Variants in NEDD4L observed in about 807,000 individuals in gnomAD.
The protein encoded by NEDD4L is E3 ubiquitin-protein ligase NEDD4-like.
Under a neutral mutation model 148.9 loss-of-function variants are expected in NEDD4L, and 54 were observed. The ratio of observed to expected loss-of-function variants is 0.36; its 90% CI spans 0.29 to 0.45. The LOEUF is 0.45. Among genes scored for constraint, NEDD4L ranks in the 20% least tolerant of loss-of-function variants. NEDD4L has a pLI of 1.00. For missense variants in NEDD4L, 856 were observed against 1,233.8 expected, an observed-to-expected ratio of 0.69 and a Z score of 4.59; for synonymous variants, 433 against 440.7, an observed-to-expected ratio of 0.98 and a Z score of 0.22.
At chr18:58,253,660 CTTGT>C (rs1030282342) in intron 5 of NEDD4L, among the ~76,000 whole-genome samples, 8 of 152,102 alleles carry the variant, frequency 5.3e-5, no homozygotes, top group African/African-American at 1.9e-4. Flanking sequence ...TATAATATCT[CTTGT>C]TTAACATGAG....
chr18:58,165,738 T>G, intron 1 of NEDD4L, 50 bp from the exon 2 acceptor site: 2 of 1,514,310 alleles, frequency 1.3e-6, no homozygotes, highest in Non-Finnish European at 1.8e-6. Context: ...GAGAGAGTGA[T>G]TGATTGAAGA....
intron 2 of NEDD4L, among the ~76,000 whole-genome samples, chr18:58,225,200 A>G (rs921731665): frequency 9.9e-5 from 15 of 152,250 alleles, no homozygotes; most frequent in Non-Finnish European, 2.2e-4. Flanking sequence ...GTGGAACTGC[A>G]GGTCCCTGGA....
At chr18:58,297,257 T>C (rs1195934282) in intron 5 of NEDD4L, among the ~76,000 whole-genome samples, 4 of 152,144 alleles carry the variant, frequency 2.6e-5, no homozygotes, top group Non-Finnish European at 4.4e-5. Context: ...TGTGGGCCAG[T>C]ATTCAGCCTA....
intron 1 of NEDD4L, among the ~76,000 whole-genome samples, chr18:58,092,418 T>G (rs1042118589): frequency 6.6e-6 from 1 of 152,110 alleles, no homozygotes; most frequent in African/African-American, 2.4e-5. Flanking sequence ...TGGAAGCGGT[T>G]CTCGGGCACA....
intron 2 of NEDD4L, among the ~76,000 whole-genome samples, chr18:58,180,188 G>A (rs768250038): frequency 7.9e-5 from 12 of 152,110 alleles, no homozygotes; most frequent in Non-Finnish European, 1.6e-4. Flanking sequence ...ATCCCTCTCC[G>A]AGCCGCGGTG....
At chr18:58,090,955 A>G (rs2145290476) in intron 1 of NEDD4L, 1 of 152,362 alleles carries the variant, frequency 6.6e-6, no homozygotes, top group South Asian at 2.1e-4. Flanking sequence ...CTGTCCAGGA[A>G]GTACCTTATA....
chr18:58,244,907 G>A (rs536930235), intron 2 of NEDD4L, among the ~76,000 whole-genome samples: 20 of 152,230 alleles, frequency 1.3e-4, no homozygotes, highest in Middle Eastern at 3.4e-3. Flanking sequence ...GGTTGGCCAG[G>A]CTGGTCTTGA....
At chr18:58,228,250 A>G (rs1214278674) in intron 2 of NEDD4L, among the ~76,000 whole-genome samples, 1 of 132,402 alleles carries the variant, frequency 7.6e-6, no homozygotes, top group African/African-American at 3.1e-5. Flanking sequence ...TGGACACATA[A>G]GTAAACAACT....
chr18:58,343,207 T>A, intron 16 of NEDD4L, 104 bp downstream of exon 16: 1 of 1,129,992 alleles, frequency 8.8e-7, no homozygotes, highest in Non-Finnish European at 1.2e-6. Flanking sequence ...TTGGATTGAC[T>A]GTAAAGGGTG....
At chr18:58,239,659 G>T (rs1348163622) in intron 2 of NEDD4L, among the ~76,000 whole-genome samples, 2 of 152,222 alleles carry the variant, frequency 1.3e-5, no homozygotes, top group Admixed American at 6.5e-5. Flanking sequence ...TGGTCAGGAC[G>T]ACTGTCCCTG....
chr18:58,298,598 T>C (rs1337683970), intron 5 of NEDD4L, among the ~76,000 whole-genome samples: 1 of 152,226 alleles, frequency 6.6e-6, no homozygotes, highest in Non-Finnish European at 1.5e-5. Context: ...GTCTTTTCCT[T>C]CTCTCTCCCC....
In NEDD4L at chr18:58,044,646, CG is replaced by C; in HGVS notation, c.-11del. ...CGCTGGGAGCGCCTCAGACCCCGCG[CG>C]GGGCGCCGGCTCCATGGCGACCGGG... On this transcript the variant is annotated 5_prime_UTR_variant, in exon 1 of 31. Coordinates refer to ENST00000400345, the MANE Select transcript of NEDD4L (RefSeq NM_001144967.3). 1.3e-6 allele frequency: 2 copies of C among 1,596,582 alleles called. No individual in the cohort carries two copies. Among genetic ancestry groups the C allele is most frequent in the Non-Finnish European group, 1.7e-6 (2 of 1,172,098 alleles).
At chr18:58,291,535 G>C (rs895300968) in intron 5 of NEDD4L, among the ~76,000 whole-genome samples, 1 of 152,236 alleles carries the variant, frequency 6.6e-6, no homozygotes, top group Non-Finnish European at 1.5e-5. Flanking sequence ...GCTGTTTTCT[G>C]ACCCCTGAGA....
At chr18:58,264,600 G>A (rs2049951162) in intron 5 of NEDD4L, among the ~76,000 whole-genome samples, 1 of 152,034 alleles carries the variant, frequency 6.6e-6, no homozygotes, top group South Asian at 2.1e-4. Flanking sequence ...AGTGTGTAAT[G>A]ATCAAATCAT....
chr18:58,357,350 C>A, intron 19 of NEDD4L, 98 bp downstream of exon 19: 1 of 1,069,704 alleles, frequency 9.3e-7, no homozygotes, highest in Non-Finnish European at 1.5e-6. Context: ...CAAGGGACAA[C>A]GGTGATTGAG....
chr18:58,341,599 G>A (rs935186826), intron 14 of NEDD4L, 79 bp from the exon 15 acceptor site: 8 of 1,426,722 alleles, frequency 5.6e-6, no homozygotes, highest in South Asian at 3.8e-5. Flanking sequence ...TGTTTGCGTT[G>A]TTGTTTGGGT....
intron 13 of NEDD4L, chr18:58,336,166 A>G (rs2041726011): frequency 6.6e-6 from 1 of 152,184 alleles, no homozygotes; most frequent in South Asian, 2.1e-4. Context: ...TATTTTAAAG[A>G]ATGTATGGTA....
chr18:58,392,591 T>C (rs1293570556), intron 30 of NEDD4L, among the ~76,000 whole-genome samples: 1 of 152,162 alleles, frequency 6.6e-6, no homozygotes. Context: ...AACAATGTGG[T>C]CATTGCCTGT....
At chr18:58,317,815 C>T (rs530930717) in intron 6 of NEDD4L, among the ~76,000 whole-genome samples, 1 of 152,238 alleles carries the variant, frequency 6.6e-6, no homozygotes, top group South Asian at 2.1e-4. Flanking sequence ...GACCGAGTGC[C>T]CCTAGTTACT....
Sources: allele counts gnomAD v4.1 joint callset (sites outside exome capture counted in the v4.1 genomes callset), GRCh38; gene constraint gnomAD v4.1.1; transcripts MANE v1.5; gene names NCBI Gene and HGNC (gene_info 2026-07-23, HGNC 2026-07-21).